Variants in NPRL3 observed in about 807,000 individuals in gnomAD.
NPRL3 encodes the protein NPR3 like, GATOR1 complex subunit, also known as GATOR1 complex protein NPRL3.
NPRL3 carries 23 observed loss-of-function variants against 57.2 expected under a neutral mutation model. That is an observed-to-expected ratio of 0.40 (90% CI 0.29 to 0.57). The LOEUF (loss-of-function observed/expected upper bound fraction) is 0.57. Among genes scored for constraint, NPRL3 ranks in the 20% least tolerant of loss-of-function variants. The pLI is 0.42. For missense variants in NPRL3, 691 were observed against 767.1 expected (o/e 0.90, Z 1.17); for synonymous variants, 333 against 321.1 (o/e 1.04, Z -0.39).
chr16:136,639 G>A (rs1294973250), intron 2 of NPRL3, among the ~76,000 whole-genome samples: 3 of 149,192 alleles, frequency 2.0e-5, no homozygotes, highest in African/African-American at 5.0e-5. Context: ...GCGGTGAGCC[G>A]AGATCACGCC....
chr16:110,423 C>G (rs1488894812), intron 7 of NPRL3, 102 bp downstream of exon 7: 2 of 845,070 alleles, frequency 2.4e-6, no homozygotes, highest in Non-Finnish European at 3.9e-6. Context: ...CCCAGGAGAA[C>G]AGTGGTCAGT....
At chr16:93,621 G>C (rs2141910230) in intron 9 of NPRL3, among the ~76,000 whole-genome samples, 1 of 149,648 alleles carries the variant, frequency 6.7e-6, no homozygotes, top group Middle Eastern at 3.4e-3. Context: ...CTGGAGTGCA[G>C]TGGCACAATC....
intron 12 of NPRL3, 187 bp from the exon 13 acceptor site, chr16:89,077 TG>T: frequency 1.6e-6 from 1 of 610,948 alleles, no homozygotes; most frequent in East Asian, 2.8e-5. Context: ...ACGGCTGACT[TG>T]GGAAACGGGT....
At chr16:100,635 G>T in intron 7 of NPRL3, 126 bp from the exon 8 acceptor site, 1 of 918,054 alleles carries the variant, frequency 1.1e-6, no homozygotes, top group Non-Finnish European at 1.5e-6. Flanking sequence ...TGGAGACCCG[G>T]GCAGGAGAGC....
chr16:130,011 C>T (rs1204548447), intron 3 of NPRL3, among the ~76,000 whole-genome samples: 7 of 152,100 alleles, frequency 4.6e-5, no homozygotes, highest in Admixed American at 2.0e-4. Flanking sequence ...AGGAAGGAAC[C>T]GGATCCACCT....
intron 5 of NPRL3, among the ~76,000 whole-genome samples, chr16:116,790 C>CCA (rs1555443771): frequency 7.1e-6 from 1 of 141,426 alleles, no homozygotes. Context: ...TGGCGAGACC[C>CCA]CCCCCCCCCA....
intron 13 of NPRL3, 30 bp from the exon 14 acceptor site, chr16:86,900 C>A: frequency 6.2e-7 from 1 of 1,600,784 alleles, no homozygotes; most frequent in Admixed American, 1.7e-5. Flanking sequence ...GTGAGCCCAA[C>A]CTGACACCAG....
intron 8 of NPRL3, among the ~76,000 whole-genome samples, chr16:99,635 CAAAAA>C (rs11289693): frequency 2.5e-5 from 3 of 119,216 alleles, no homozygotes; most frequent in Non-Finnish European, 5.2e-5. Context: ...GACTACATCT[CAAAAA>C]AAAAAAAAAA....
intron 12 of NPRL3, 115 bp downstream of exon 12, chr16:89,598 G>T: frequency 4.2e-6 from 4 of 956,054 alleles, no homozygotes; most frequent in Non-Finnish European, 5.9e-6. Context: ...GTGCATGTGC[G>T]TGTGCAGCTG....
At chr16:97,750 C>T (rs756474110) in intron 9 of NPRL3, among the ~76,000 whole-genome samples, 1 of 152,126 alleles carries the variant, frequency 6.6e-6, no homozygotes, top group Admixed American at 6.5e-5. Flanking sequence ...GCCCCGCATC[C>T]AAGCTTCCTG....
At chr16:128,939 A>G (rs1156525249) in intron 3 of NPRL3, among the ~76,000 whole-genome samples, 1 of 152,224 alleles carries the variant, frequency 6.6e-6, no homozygotes, top group Non-Finnish European at 1.5e-5. Context: ...GTATCTGGAA[A>G]ACATGGGTGG....
At chr16:113,529 C>T (rs1899906520) in intron 5 of NPRL3, among the ~76,000 whole-genome samples, 1 of 152,202 alleles carries the variant, frequency 6.6e-6, no homozygotes, top group Non-Finnish European at 1.5e-5. Context: ...CCACAGTCAG[C>T]CAGGCAAGCA....
rs1555443791 is a variant in NPRL3, at chr16:116,797, C to CCA, written c.393+503_393+504insTG. On this transcript the variant is annotated intron_variant, in intron 5 of 13. Transcript: ENST00000611875. ...GGCCAACATGGCGAGACCCCCCCCC[C>CCA]CCACCGATCTCTACTAAAAATACAA... 4.2e-5 allele frequency among the ~76,000 whole-genome samples: 6 copies of CCA among 143,826 alleles called. 1 individual carries two copies. The highest frequency in any genetic ancestry group is 2.1e-4 in the East Asian group (1 of 4,840). The allele number at this position is 143,826 out of a possible 152,430, so 94.4% of individuals were successfully genotyped here.
At chr16:134,664 G>C (rs1305392170) in intron 2 of NPRL3, among the ~76,000 whole-genome samples, 3 of 148,380 alleles carry the variant, frequency 2.0e-5, no homozygotes, top group African/African-American at 7.4e-5. Context: ...CTTACGGATA[G>C]TATAACATAA....
At chr16:119,854 T>C (rs1194165503) in intron 3 of NPRL3, among the ~76,000 whole-genome samples, 1 of 152,248 alleles carries the variant, frequency 6.6e-6, no homozygotes, top group African/African-American at 2.4e-5. Context: ...TTGTGCAAGA[T>C]GTGCAAGCCC....
At chr16:100,665 T>C (rs1021982543) in intron 7 of NPRL3, among the ~76,000 whole-genome samples, 156 bp from the exon 8 acceptor site, 1 of 150,864 alleles carries the variant, frequency 6.6e-6, no homozygotes, top group Non-Finnish European at 1.5e-5. Context: ...GATCACATTA[T>C]GTTTAAGAAA....
chr16:108,915 C>A (rs142535998), intron 7 of NPRL3, among the ~76,000 whole-genome samples: 256 of 152,106 alleles, frequency 1.7e-3, no homozygotes, highest in African/African-American at 5.8e-3. Flanking sequence ...CGTGCTCCAC[C>A]CGCCTCAGCC....
intron 7 of NPRL3, among the ~76,000 whole-genome samples, chr16:101,872 A>G (rs1438375046): frequency 1.3e-5 from 2 of 152,160 alleles, no homozygotes; most frequent in Non-Finnish European, 2.9e-5. Context: ...TTCTCAGTGA[A>G]GCACCCCTGA....
intron 13 of NPRL3, 109 bp downstream of exon 13, chr16:88,589 G>C: frequency 1.0e-6 from 1 of 982,364 alleles, no homozygotes; most frequent in Non-Finnish European, 1.5e-6. Flanking sequence ...CTCGAACAGG[G>C]CCCCATCTGT....
Sources: allele counts gnomAD v4.1 joint callset (sites outside exome capture counted in the v4.1 genomes callset), GRCh38; gene constraint gnomAD v4.1.1; transcripts MANE v1.5; gene names NCBI Gene and HGNC (gene_info 2026-07-23, HGNC 2026-07-21).